The following UGGT2 variants were observed in gnomAD, a reference collection of about 807,000 sequenced individuals.
UGGT2 encodes UDP-glucose:glycoprotein glucosyltransferase 2.
A neutral mutation model predicts 192.1 loss-of-function variants in UGGT2; 180 were observed. The ratio of observed to expected loss-of-function variants is 0.94; its 90% CI spans 0.83 to 1.06. UGGT2 has a LOEUF of 1.06. Ranked by LOEUF, UGGT2 falls within the 50% of genes least tolerant of loss-of-function variation. The probability of loss-of-function intolerance (pLI) is 0.00; values close to 1 mark genes in which losing one functional copy is unlikely to be tolerated. For missense variants in UGGT2, 1,849 were observed against 1,795.7 expected, an observed-to-expected ratio of 1.03 and a Z score of -0.54; for synonymous variants, 580 against 591.0, an observed-to-expected ratio of 0.98 and a Z score of 0.27.
chr13:96,015,277 CAAA>C (rs35384365), intron 4 of UGGT2, among the ~76,000 whole-genome samples: 5 of 111,208 alleles, frequency 4.5e-5, no homozygotes, highest in Non-Finnish European at 5.6e-5. Context: ...GACTCCGTCT[CAAA>C]AAAAAAAAAA....
chr13:95,845,326 CT>C (rs563566836), intron 36 of UGGT2, among the ~76,000 whole-genome samples: 7 of 140,480 alleles, frequency 5.0e-5, no homozygotes, highest in Admixed American at 4.3e-4. Flanking sequence ...GCCCTGCCGC[CT>C]TCCGCAGTGT....
intron 16 of UGGT2, 147 bp from the exon 17 acceptor site, chr13:95,937,235 C>T: frequency 1.0e-6 from 1 of 955,534 alleles, no homozygotes; most frequent in Non-Finnish European, 1.5e-6. Flanking sequence ...CAAACATTGC[C>T]TAAAGGAAAG....
At chr13:95,852,917 T>G (rs777869379) in intron 36 of UGGT2, among the ~76,000 whole-genome samples, 9 of 152,088 alleles carry the variant, frequency 5.9e-5, no homozygotes, top group Non-Finnish European at 1.3e-4. Context: ...GAGGGTGATA[T>G]GGTTTGGCTG....
At chr13:95,893,071 A>T (rs935162152) in intron 24 of UGGT2, among the ~76,000 whole-genome samples, 4 of 152,162 alleles carry the variant, frequency 2.6e-5, no homozygotes, top group Non-Finnish European at 5.9e-5. Flanking sequence ...GCTGGGGAAA[A>T]AATATAATTG....
At chr13:95,903,090 C>G in intron 20 of UGGT2, 30 bp from the exon 21 acceptor site, 4 of 1,572,274 alleles carry the variant, frequency 2.5e-6, no homozygotes, top group Non-Finnish European at 3.5e-6. Context: ...TTAAAAAGAC[C>G]AGTATCATAC....
At chr13:95,879,498 C>T (rs769064471) in intron 27 of UGGT2, among the ~76,000 whole-genome samples, 12 of 152,190 alleles carry the variant, frequency 7.9e-5, no homozygotes, top group South Asian at 2.1e-4. Context: ...TACAGTGGCA[C>T]GATCTCGGCT....
intron 38 of UGGT2, among the ~76,000 whole-genome samples, chr13:95,825,814 AAGATCTGGGACTCAAGG>A (rs1174447147): frequency 2.6e-5 from 4 of 152,110 alleles, no homozygotes. Flanking sequence ...CACCAGCAGA[AAGATCTGGGACTCAAGG>A]CCTGTTGTCT....
intron 36 of UGGT2, among the ~76,000 whole-genome samples, chr13:95,841,622 A>C (rs944541027): frequency 6.6e-5 from 10 of 152,296 alleles, no homozygotes; most frequent in African/African-American, 1.9e-4. Flanking sequence ...CATGATTTGC[A>C]AATATTTTGT....
At chr13:95,935,951 C>A (rs138269639) in intron 17 of UGGT2, among the ~76,000 whole-genome samples, 7 of 152,210 alleles carry the variant, frequency 4.6e-5, no homozygotes, top group Admixed American at 4.6e-4. Context: ...CTCAGCCTTT[C>A]GAGCAGCTGG....
rs571292638 is a variant in UGGT2 at position 95,807,714 on chromosome 13, AC to A, written c.4529-5903del. Among the ~76,000 whole-genome samples, 28 of 38,640 alleles carry A rather than the reference AC, an allele frequency of 7.2e-4. 2 individuals carry two copies. The highest frequency in any genetic ancestry group is 0.023 in the Middle Eastern group (1 of 44). The allele number at this position is 38,640 out of a possible 152,430, so 25.3% of individuals were successfully genotyped here. A position where few individuals can be genotyped will look rare whatever the true frequency, so the allele number is the denominator to read the frequency against. On this transcript the variant is annotated intron_variant, in intron 38 of 38. Coordinates refer to ENST00000376747, the MANE Select transcript of UGGT2 (RefSeq NM_020121.4). The stretch of plus-strand genomic sequence containing the variant: ...CCGTATCTTGAAACCCTCAGCCCTC[AC>A]CTTTTTTTTTTTTTTTTTTTGCCGT...
chr13:95,832,730 C>T (rs762989810), intron 38 of UGGT2, 197 bp downstream of exon 38: 10 of 721,432 alleles, frequency 1.4e-5, no homozygotes, highest in African/African-American at 3.5e-5. Flanking sequence ...GAAGCTGTAT[C>T]CATGGGGAAA....
intron 20 of UGGT2, among the ~76,000 whole-genome samples, chr13:95,908,933 C>A (rs1340325465): frequency 2.8e-4 from 39 of 138,018 alleles, no homozygotes; most frequent in Non-Finnish European, 5.3e-4. Flanking sequence ...TTTTGCTGTG[C>A]AGAAGCTCTT....
chr13:95,879,479 A>T (rs1438676559), intron 27 of UGGT2, among the ~76,000 whole-genome samples: 2 of 152,244 alleles, frequency 1.3e-5, no homozygotes, highest in African/African-American at 4.8e-5. Flanking sequence ...TCTGTTGCCC[A>T]GGCTGGAGTA....
chr13:95,846,412 G>A (rs1052468176), intron 36 of UGGT2, among the ~76,000 whole-genome samples: 9 of 151,064 alleles, frequency 6.0e-5, no homozygotes, highest in African/African-American at 1.5e-4. Context: ...GAGGGAGACC[G>A]TGCAGAGGGG....
At chr13:95,811,768 C>T (rs1884596691) in intron 38 of UGGT2, among the ~76,000 whole-genome samples, 1 of 152,004 alleles carries the variant, frequency 6.6e-6, no homozygotes, top group Non-Finnish European at 1.5e-5. Context: ...AAGGTTCCTA[C>T]ACTATATATG....
intron 12 of UGGT2, among the ~76,000 whole-genome samples, chr13:95,968,806 T>A (rs755953995): frequency 9.2e-5 from 14 of 152,162 alleles, no homozygotes; most frequent in Non-Finnish European, 1.6e-4. Context: ...GCTATACCCA[T>A]ACATGTATAC....
intron 8 of UGGT2, among the ~76,000 whole-genome samples, chr13:95,989,205 AC>A (rs766820527): frequency 4.6e-5 from 7 of 152,086 alleles, no homozygotes; most frequent in Non-Finnish European, 1.0e-4. Flanking sequence ...TAGTATGTGA[AC>A]GTATTAGTAT....
chr13:95,863,692 A>G lies in UGGT2; in HGVS notation c.3581T>C (p.Ile1194Thr). ...KVKVKKETDK[I>T]KEDILTDEDE... Reference sequence around the variant, plus strand: ...TTCATCGGTAAGGATATCTTCCTTAATTTTGTCTGTTTCTTTTTTCACCTA... The same window carrying G: ...TTCATCGGTAAGGATATCTTCCTTAGTTTTGTCTGTTTCTTTTTTCACCTA... The change falls in exon 31 of 39, where the codon ATT becomes ACT. Residue 1194 changes from isoleucine to threonine, a missense_variant. Ile to Thr is a moderately conservative substitution (Grantham distance 89). Transcript: ENST00000376747. The G allele has an allele frequency of 1.2e-6, 2 of 1,612,644 alleles. No homozygotes were observed. The highest frequency in any genetic ancestry group is 4.5e-5 in the East Asian group (2 of 44,728).
At chr13:95,830,862 A>G (rs1298011990) in intron 38 of UGGT2, among the ~76,000 whole-genome samples, 2 of 152,220 alleles carry the variant, frequency 1.3e-5, no homozygotes, top group African/African-American at 4.8e-5. Flanking sequence ...ACAATAGCAA[A>G]GACTTGGAAC....
Sources: gnomAD v4.1 joint callset for allele counts (sites outside exome capture counted in the v4.1 genomes callset) on GRCh38, gnomAD v4.1.1 for gene constraint, MANE v1.5 for transcripts, NCBI Gene and HGNC (gene_info 2026-07-23, HGNC 2026-07-21) for gene names.